Variants in ANK2 observed in about 807,000 individuals in gnomAD.
ANK2 encodes the protein ankyrin 2.
In ANK2, 83 loss-of-function variants were observed where a neutral mutation model predicts 360.5. The ratio of observed to expected loss-of-function variants is 0.23; its 90% CI spans 0.19 to 0.28. The LOEUF (loss-of-function observed/expected upper bound fraction) is 0.28, where lower values mean the gene tolerates loss of function less well. Among genes scored for constraint, ANK2 ranks in the 10% least tolerant of loss-of-function variants. The probability of loss-of-function intolerance (pLI) is 1.00; values close to 1 mark genes in which losing one functional copy is unlikely to be tolerated. For missense variants in ANK2, 4,201 were observed against 4,795.7 expected, an observed-to-expected ratio of 0.88 and a Z score of 3.66; for synonymous variants, 1,740 against 1,759.5, an observed-to-expected ratio of 0.99 and a Z score of 0.28.
the ANK2 span, among the ~76,000 whole-genome samples, chr4:112,711,984 T>G: frequency 6.7e-6 from 1 of 150,286 alleles, no homozygotes; most frequent in East Asian, 1.9e-4. Context: ...CACCTAGCAG[T>G]TTCTTCTATT....
intron 1 of ANK2, among the ~76,000 whole-genome samples, chr4:112,883,859 CATATATATATGT>C (rs990097047): frequency 2.0e-5 from 3 of 147,622 alleles, no homozygotes; most frequent in African/African-American, 7.5e-5. Flanking sequence ...ATCATTCATT[CATATATATATGT>C]ATATATATGT....
At chr4:113,294,562 T>G (rs1455465379) in intron 22 of ANK2, among the ~76,000 whole-genome samples, 1 of 152,216 alleles carries the variant, frequency 6.6e-6, no homozygotes, top group East Asian at 1.9e-4. Flanking sequence ...ATTTTGTTCT[T>G]CAGGCTGACA....
chr4:113,236,078 C>T lies in ANK2; in HGVS notation c.484-909C>T, dbSNP rs188841998. Reference sequence around the variant, plus strand: ...ACCATTCTATTGCCCATATTTTTTTCTCTATGGAAATGGAAACTTCTAACT... The same window carrying T: ...ACCATTCTATTGCCCATATTTTTTTTTCTATGGAAATGGAAACTTCTAACT... On this transcript the variant is annotated intron_variant, in intron 5 of 45. Coordinates refer to ENST00000357077, the MANE Select transcript of ANK2 (RefSeq NM_001148.6). Among the ~76,000 whole-genome samples, 613 of 152,130 alleles carry T rather than the reference C, an allele frequency of 4.0e-3. 5 individuals are homozygous for T. Among genetic ancestry groups the T allele is most frequent in the African/African-American group, 0.014 (579 of 41,518 alleles).
chr4:112,853,996 C>T (rs1358565620), intron 1 of ANK2, among the ~76,000 whole-genome samples: 3 of 152,096 alleles, frequency 2.0e-5, no homozygotes, highest in African/African-American at 7.2e-5. Flanking sequence ...ATTTATAGTT[C>T]CTGTCCTCAG....
the ANK2 span, among the ~76,000 whole-genome samples, chr4:112,781,347 A>C: frequency 1.3e-5 from 2 of 152,096 alleles, no homozygotes; most frequent in Non-Finnish European, 2.9e-5. Context: ...TGATCTGCCT[A>C]CCTTGGCCTC....
chr4:113,282,603 C>T lies in ANK2; in HGVS notation c.1882-72C>T, dbSNP rs551831538. On this transcript the variant is annotated intron_variant, in intron 17 of 45. Coordinates refer to ENST00000357077, the MANE Select transcript of ANK2 (RefSeq NM_001148.6). ...TCTATTGATTAGAGATTTTTATTTC[C>T]TTTAGAGATACGTATTAGAGCAATT... The T allele has an allele frequency of 1.6e-5, 22 of 1,363,994 alleles. No homozygotes were observed. In the South Asian group the frequency reaches 2.4e-4, roughly 15 times the overall value. The allele number at this position is 1,363,994 out of a possible 1,614,324, so 84.5% of individuals were successfully genotyped here. A position where few individuals can be genotyped will look rare whatever the true frequency, so the allele number is the denominator to read the frequency against.
upstream of ANK2, among the ~76,000 whole-genome samples, chr4:112,813,069 C>T (rs1254986068): frequency 6.6e-6 from 1 of 151,806 alleles, no homozygotes; most frequent in Non-Finnish European, 1.5e-5. Context: ...GAAACCATGT[C>T]TCTACTAAAA....
intron 2 of ANK2, among the ~76,000 whole-genome samples, chr4:113,010,185 T>C (rs1561523184): frequency 6.6e-6 from 1 of 152,172 alleles, no homozygotes; most frequent in East Asian, 1.9e-4. Context: ...ATTGTATAAT[T>C]TGGTAAATAT....
intron 22 of ANK2, 56 bp downstream of exon 22, chr4:113,293,594 A>G: frequency 6.8e-7 from 1 of 1,466,304 alleles, no homozygotes; most frequent in South Asian, 1.2e-5. Flanking sequence ...TTCAAACTAA[A>G]TACATGTACA....
chr4:112,853,046 T>C (rs918683075), intron 1 of ANK2, among the ~76,000 whole-genome samples: 1 of 152,138 alleles, frequency 6.6e-6, no homozygotes, highest in Non-Finnish European at 1.5e-5. Context: ...CAGCCTCAAC[T>C]GCAAATGTGT....
intron 1 of ANK2, among the ~76,000 whole-genome samples, chr4:112,867,133 C>G (rs1178463059): frequency 6.7e-6 from 1 of 149,420 alleles, no homozygotes. Flanking sequence ...ATTTTTTTTT[C>G]CTTGAACTCT....
At chr4:113,108,747 A>G (rs1256619157) in intron 1 of ANK2, among the ~76,000 whole-genome samples, 3 of 152,206 alleles carry the variant, frequency 2.0e-5, no homozygotes, top group Non-Finnish European at 2.9e-5. Flanking sequence ...AAACAGAAAA[A>G]AAAACTCTAC....
intron 7 of ANK2, among the ~76,000 whole-genome samples, chr4:113,239,364 A>G (rs2099407534): frequency 6.6e-6 from 1 of 152,116 alleles, no homozygotes; most frequent in African/African-American, 2.4e-5. Context: ...CAAAGCCTAT[A>G]GATCAACTCA....
chr4:112,709,292 A>G, the ANK2 span, among the ~76,000 whole-genome samples: 1 of 152,204 alleles, frequency 6.6e-6, no homozygotes, highest in African/African-American at 2.4e-5. Context: ...TTTATTCTTC[A>G]TTCATTTTCT....
chr4:113,234,233 C>A (rs944363828), intron 5 of ANK2, among the ~76,000 whole-genome samples: 7 of 152,090 alleles, frequency 4.6e-5, no homozygotes, highest in Admixed American at 4.6e-4. Context: ...CAAAAATACC[C>A]TTTTATGTAC....
At chr4:113,202,267 T>G (rs947931069) in intron 4 of ANK2, among the ~76,000 whole-genome samples, 1 of 152,134 alleles carries the variant, frequency 6.6e-6, no homozygotes, top group Non-Finnish European at 1.5e-5. Context: ...GAGGGCTGAT[T>G]TGAGTTCCTC....
intron 2 of ANK2, among the ~76,000 whole-genome samples, chr4:112,931,664 G>A (rs2093256364): frequency 6.6e-6 from 1 of 151,716 alleles, no homozygotes; most frequent in Admixed American, 6.6e-5. Context: ...GCGTTTCAAA[G>A]ATTTCGACCC....
At chr4:112,747,038 T>C in the ANK2 span, among the ~76,000 whole-genome samples, 1 of 152,228 alleles carries the variant, frequency 6.6e-6, no homozygotes, top group Non-Finnish European at 1.5e-5. Context: ...TCACAGCAGA[T>C]GACATTACCT....
upstream of ANK2, among the ~76,000 whole-genome samples, chr4:112,814,425 G>T (rs369560468): frequency 2.7e-5 from 2 of 74,320 alleles, no homozygotes; most frequent in South Asian, 9.7e-4. Flanking sequence ...ACTGGAGAGC[G>T]TTTTTTTGTT....
Sources: gnomAD v4.1 joint callset for allele counts (sites outside exome capture counted in the v4.1 genomes callset) on GRCh38, gnomAD v4.1.1 for gene constraint, MANE v1.5 for transcripts, NCBI Gene and HGNC (gene_info 2026-07-23, HGNC 2026-07-21) for gene names.